Variants in SNTG2 observed in about 807,000 individuals in gnomAD.
The protein encoded by SNTG2 is gamma-2-syntrophin.
In SNTG2, 74 loss-of-function variants were observed where a neutral mutation model predicts 70.9. That is an observed-to-expected ratio of 1.04 (90% CI 0.86 to 1.27). SNTG2 has a LOEUF of 1.27. SNTG2 is among the 50% of genes most tolerant of loss of function. The pLI is 0.00. For synonymous variants in SNTG2, 278 were observed against 273.8 expected (o/e 1.02, Z -0.15); for missense variants, 717 against 690.7 (o/e 1.04, Z -0.43).
intron 1 of SNTG2, among the ~76,000 whole-genome samples, chr2:984,697 A>T (rs1442674435): frequency 1.3e-5 from 2 of 152,158 alleles, no homozygotes. Flanking sequence ...CCATGAGGGC[A>T]CTGCCTTAGC....
Position 1,097,703 on chromosome 2 carries a change from G to T in SNTG2, c.211-493G>T, listed in dbSNP as rs768923837. 5.3e-5 allele frequency among the ~76,000 whole-genome samples: 8 copies of T among 152,004 alleles called. No individual in the cohort carries two copies. Among genetic ancestry groups the T allele is most frequent in the Admixed American group, 3.3e-4 (5 of 15,272 alleles). On this transcript the variant is annotated intron_variant, in intron 2 of 16. Coordinates refer to ENST00000308624, the MANE Select transcript of SNTG2 (RefSeq NM_018968.4). The surrounding 1 kb of genome is among the most constrained non-coding windows in gnomAD (Gnocchi z 4.1). ...TCCCAGACATCTGTGGTCAGAGGAC[G>T]TGAAAAAATGGATCATTCATGAATT...
At chr2:1,250,042 C>T (rs944433887) in intron 12 of SNTG2, among the ~76,000 whole-genome samples, 11 of 152,140 alleles carry the variant, frequency 7.2e-5, no homozygotes, top group African/African-American at 4.8e-5. Flanking sequence ...CCGTGCGTGC[C>T]GGGAAGCCAA....
chr2:1,057,137 C>CAA (rs1558349828), intron 1 of SNTG2, among the ~76,000 whole-genome samples: 7 of 152,052 alleles, frequency 4.6e-5, no homozygotes, highest in Non-Finnish European at 8.8e-5. Flanking sequence ...TGGCCTATTT[C>CAA]TGCTAGAAGC....
rs536312540 is a variant in SNTG2 at position 1,318,921 on chromosome 2, G to A, written c.1488+2546G>A. 4.6e-5 allele frequency among the ~76,000 whole-genome samples: 7 copies of A among 152,276 alleles called. No individual in the cohort carries two copies. In the East Asian group the frequency reaches 9.7e-4, roughly 21 times the overall value. On this transcript the variant is annotated intron_variant, in intron 16 of 16. Transcript: ENST00000308624. ...GGCTTTCTGAGCCTCTGTCATCCCCGGGGCTCAGGCTTCAGGACCTCCAGC... is the reference window on the plus strand; with the variant it reads ...GGCTTTCTGAGCCTCTGTCATCCCCAGGGCTCAGGCTTCAGGACCTCCAGC...
intron 1 of SNTG2, among the ~76,000 whole-genome samples, chr2:1,010,526 A>G (rs1659699014): frequency 6.6e-6 from 1 of 152,224 alleles, no homozygotes; most frequent in African/African-American, 2.4e-5. Flanking sequence ...GAGCCAGACT[A>G]TAATTAGAGA....
At chr2:1,179,706 G>A (rs1468753410) in intron 8 of SNTG2, among the ~76,000 whole-genome samples, 2 of 151,478 alleles carry the variant, frequency 1.3e-5, no homozygotes, top group Non-Finnish European at 1.5e-5. Flanking sequence ...CACAGAATTG[G>A]AAAAAACTAC....
chr2:1,187,695 C>A (rs1313413366), intron 8 of SNTG2, among the ~76,000 whole-genome samples: 2 of 152,086 alleles, frequency 1.3e-5, no homozygotes, highest in Non-Finnish European at 2.9e-5. Context: ...AAGCAACAGG[C>A]AATCTTAAAA....
intron 16 of SNTG2, among the ~76,000 whole-genome samples, chr2:1,357,707 T>C (rs1160369913): frequency 1.3e-5 from 2 of 152,150 alleles, no homozygotes; most frequent in Non-Finnish European, 2.9e-5. Context: ...GTTAGTGGTA[T>C]GCTTAGATTG....
intron 16 of SNTG2, among the ~76,000 whole-genome samples, chr2:1,355,584 C>T (rs911508937): frequency 6.6e-6 from 1 of 152,208 alleles, no homozygotes; most frequent in African/African-American, 2.4e-5. Context: ...TCCATTCTTG[C>T]TGTTGACTGA....
intron 2 of SNTG2, among the ~76,000 whole-genome samples, chr2:1,091,713 C>G (rs550047064): frequency 6.6e-6 from 1 of 152,196 alleles, no homozygotes; most frequent in Non-Finnish European, 1.5e-5. Flanking sequence ...AGGTGGAATA[C>G]TATGGAATCA....
intron 4 of SNTG2, among the ~76,000 whole-genome samples, chr2:1,117,225 C>G (rs901522870): frequency 3.3e-5 from 5 of 152,050 alleles, no homozygotes; most frequent in Admixed American, 6.5e-5. Flanking sequence ...ATGATTGAGT[C>G]TTTTTCTAAT....
chr2:1,046,548 CT>C (rs1418936549), intron 1 of SNTG2, among the ~76,000 whole-genome samples: 2 of 152,114 alleles, frequency 1.3e-5, no homozygotes, highest in African/African-American at 4.8e-5. Flanking sequence ...TAAAGTAGGT[CT>C]GGTGGTAACA....
chr2:1,001,888 A>G (rs908887217), intron 1 of SNTG2, among the ~76,000 whole-genome samples: 1 of 152,116 alleles, frequency 6.6e-6, no homozygotes, highest in African/African-American at 2.4e-5. Context: ...TATTAACCAA[A>G]AGAGCATGGT....
chr2:1,269,733 A>G (rs1678920601), intron 14 of SNTG2, among the ~76,000 whole-genome samples: 1 of 152,244 alleles, frequency 6.6e-6, no homozygotes, highest in African/African-American at 2.4e-5. Flanking sequence ...GATTCAGGCT[A>G]GGACTCAGCA....
intron 4 of SNTG2, among the ~76,000 whole-genome samples, chr2:1,109,700 G>T (rs1666313158): frequency 6.6e-6 from 1 of 152,140 alleles, no homozygotes; most frequent in Admixed American, 6.6e-5. Context: ...CACAGCCACA[G>T]TTTAATTCCA....
At chr2:1,336,562 A>G (rs1204782563) in intron 16 of SNTG2, among the ~76,000 whole-genome samples, 2 of 152,132 alleles carry the variant, frequency 1.3e-5, no homozygotes, top group Non-Finnish European at 2.9e-5. Flanking sequence ...ATTTTGTCCT[A>G]TGTTTTATCC....
At position 1,308,606 on chromosome 2, in the gene SNTG2, T is replaced by C. The variant is rs1446280526; in HGVS notation, c.1377+20T>C. 2 of 1,539,974 alleles carry C rather than the reference T, an allele frequency of 1.3e-6. No homozygotes were observed. Among genetic ancestry groups the C allele is most frequent in the Middle Eastern group, 3.3e-4 (2 of 5,986 alleles). ...ACCAAGGTAAGAGGCCAAGCAGGCA[T>C]CCATGCCGCCCCATTGCCATGTGCT... On this transcript the variant is annotated intron_variant, in intron 15 of 16. Transcript: ENST00000308624.
At chr2:1,202,882 G>A (rs1450945252) in intron 8 of SNTG2, among the ~76,000 whole-genome samples, 2 of 152,098 alleles carry the variant, frequency 1.3e-5, no homozygotes, top group Admixed American at 6.5e-5. Context: ...TTGTAAATAT[G>A]GTATGTACCT....
chr2:1,274,092 T>C (rs1679171219), intron 14 of SNTG2, among the ~76,000 whole-genome samples: 1 of 152,126 alleles, frequency 6.6e-6, no homozygotes, highest in Admixed American at 6.5e-5. Flanking sequence ...AACAGTGAAA[T>C]CTCACAGCAC....
Sources: allele counts gnomAD v4.1 joint callset (sites outside exome capture counted in the v4.1 genomes callset), GRCh38; gene constraint gnomAD v4.1.1; non-coding constraint Gnocchi (gnomAD v3.1); transcripts MANE v1.5; gene names NCBI Gene and HGNC (gene_info 2026-07-23, HGNC 2026-07-21).